The following FGF12 variants were observed in gnomAD, a reference collection of about 807,000 sequenced individuals.
FGF12 encodes the protein fibroblast growth factor 12B.
Under a neutral mutation model 23.6 loss-of-function variants are expected in FGF12, and 14 were observed. The ratio of observed to expected loss-of-function variants is 0.59; its 90% CI spans 0.39 to 0.93. The LOEUF (loss-of-function observed/expected upper bound fraction) is 0.93, where lower values mean the gene tolerates loss of function less well. Among genes scored for constraint, FGF12 ranks in the 40% least tolerant of loss-of-function variants. The pLI is 0.00. For missense variants in FGF12, 175 were observed against 217.8 expected (o/e 0.80, Z 1.24); for synonymous variants, 62 against 77.3 (o/e 0.80, Z 1.04).
In FGF12 at chr3:192,240,535, TA is replaced by T. The variant is rs1719561460; in HGVS notation, c.229-69880del. ...AAAAGATTTTGCTAGTTGCAAGAAA[TA>T]AAAAGACATCAGAAGTAGTTGTTGA... On this transcript the variant is annotated intron_variant, in intron 4 of 5. Coordinates refer to ENST00000445105, the MANE Select transcript of FGF12 (RefSeq NM_004113.6). Among the ~76,000 whole-genome samples the T allele has an allele frequency of 2.0e-5, 3 of 152,254 alleles. No individual in the cohort carries two copies. In the South Asian group the frequency reaches 6.2e-4, roughly 32 times the overall value.
chr3:192,645,554 G>A (rs944195992), intron 2 of FGF12, among the ~76,000 whole-genome samples: 1 of 152,010 alleles, frequency 6.6e-6, no homozygotes, highest in Non-Finnish European at 1.5e-5. Context: ...TGACTTCGGT[G>A]TACATGTGGA....
intron 2 of FGF12, among the ~76,000 whole-genome samples, chr3:192,637,743 T>C (rs561787223): frequency 2.0e-5 from 3 of 152,262 alleles, no homozygotes; most frequent in South Asian, 2.1e-4. Flanking sequence ...GGAAACAATA[T>C]ATATAAGAAA....
At chr3:192,206,926 C>T (rs763012257) in intron 4 of FGF12, among the ~76,000 whole-genome samples, 1 of 152,134 alleles carries the variant, frequency 6.6e-6, no homozygotes, top group Non-Finnish European at 1.5e-5. Context: ...AAATCTTATT[C>T]TCTGGGGGTG....
At chr3:192,479,352 C>T (rs910541047) in intron 2 of FGF12, among the ~76,000 whole-genome samples, 1 of 152,136 alleles carries the variant, frequency 6.6e-6, no homozygotes, top group African/African-American at 2.4e-5. Flanking sequence ...GTCCAAAGTC[C>T]CAGGCTCCAT....
intron 4 of FGF12, among the ~76,000 whole-genome samples, chr3:192,332,279 A>G (rs1050887039): frequency 6.6e-6 from 1 of 152,108 alleles, no homozygotes; most frequent in Non-Finnish European, 1.5e-5. Context: ...GTCGTGATTT[A>G]TGTATGATTA....
intron 2 of FGF12, among the ~76,000 whole-genome samples, chr3:192,571,443 G>T (rs1462594038): frequency 6.6e-6 from 1 of 152,242 alleles, no homozygotes; most frequent in Non-Finnish European, 1.5e-5. Flanking sequence ...TACCGGGATC[G>T]CTGCCAGAGC....
intron 4 of FGF12, among the ~76,000 whole-genome samples, chr3:192,291,025 C>G (rs1394284940): frequency 1.3e-5 from 2 of 152,076 alleles, no homozygotes; most frequent in South Asian, 4.2e-4. Flanking sequence ...TATCTATCTA[C>G]ATATACAATG....
At chr3:192,499,516 ATTTTT>A (rs71177364) in intron 2 of FGF12, among the ~76,000 whole-genome samples, 2 of 38,852 alleles carry the variant, frequency 5.1e-5, no homozygotes, top group African/African-American at 1.1e-4. Flanking sequence ...ATATATATAT[ATTTTT>A]TTTTTTTTTT....
At chr3:192,663,767 T>A (rs1716756523) in intron 2 of FGF12, among the ~76,000 whole-genome samples, 1 of 152,126 alleles carries the variant, frequency 6.6e-6, no homozygotes, top group Non-Finnish European at 1.5e-5. Context: ...AATATATATT[T>A]TTGGCAGAAG....
chr3:192,169,746 G>A (rs1715434339), intron 5 of FGF12, among the ~76,000 whole-genome samples: 1 of 151,378 alleles, frequency 6.6e-6, no homozygotes, highest in Non-Finnish European at 1.5e-5. Flanking sequence ...CTGAATTCAG[G>A]AAATGTGGTT....
intron 2 of FGF12, among the ~76,000 whole-genome samples, chr3:192,493,218 A>T (rs1404946599): frequency 6.6e-6 from 1 of 152,024 alleles, no homozygotes; most frequent in African/African-American, 2.4e-5. Context: ...TTCTTCCTTG[A>T]ACCTCAGCTT....
Position 192,727,518 on chromosome 3 carries a change from C to G in FGF12, c.-165G>C. 1.9e-6 allele frequency: 1 copy of G among 525,272 alleles called. No individual in the cohort carries two copies. The highest frequency in any genetic ancestry group is 3.3e-6 in the Non-Finnish European group (1 of 300,160). 32.5% of individuals were successfully genotyped at this position (525,272 alleles called of 1,614,324 possible). On this transcript the variant is annotated 5_prime_UTR_variant, in exon 1 of 6. Transcript: ENST00000445105. ...GAAGCTGCAGGCAGGAGCTGTCCTC[C>G]GAGCGTGGTGCTGCAGGTGTAGTGA...
At chr3:192,532,098 A>G (rs1326946015) in intron 2 of FGF12, among the ~76,000 whole-genome samples, 1 of 152,128 alleles carries the variant, frequency 6.6e-6, no homozygotes, top group Non-Finnish European at 1.5e-5. Context: ...ATTCTGTTCC[A>G]TTGGTCTACA....
chr3:192,251,703 A>G (rs1712023804), intron 4 of FGF12, among the ~76,000 whole-genome samples: 1 of 152,178 alleles, frequency 6.6e-6, no homozygotes. Flanking sequence ...GAAAAAGATT[A>G]GATATTTTTA....
intron 2 of FGF12, among the ~76,000 whole-genome samples, chr3:192,524,323 C>A (rs1190822900): frequency 6.6e-6 from 1 of 152,170 alleles, no homozygotes; most frequent in Non-Finnish European, 1.5e-5. Flanking sequence ...CAGAAGGCAG[C>A]CATTCATTTA....
intron 2 of FGF12, among the ~76,000 whole-genome samples, chr3:192,678,551 C>T (rs1717408614): frequency 6.6e-6 from 1 of 152,214 alleles, no homozygotes; most frequent in African/African-American, 2.4e-5. Context: ...TCAACTTTCT[C>T]AGTTTCTCAT....
chr3:192,248,703 CG>C (rs1390405746), intron 4 of FGF12, among the ~76,000 whole-genome samples: 5 of 152,086 alleles, frequency 3.3e-5, no homozygotes, highest in African/African-American at 1.2e-4. Flanking sequence ...ACTTCTGCCC[CG>C]GGGGGATCCA....
chr3:192,588,406 A>AC lies in FGF12; in HGVS notation c.13+138774_13+138775insG, dbSNP rs1289228091. 5.3e-5 allele frequency among the ~76,000 whole-genome samples: 8 copies of AC among 151,342 alleles called. 1 individual carries two copies. Among genetic ancestry groups the AC allele is most frequent in the Middle Eastern group, 3.4e-3 (1 of 294 alleles). ...AAAAAATTCAGCATCTGGATAAAAAATTAAATAAAATTAAAACAGTAATGA... is the reference window on the plus strand; with the variant it reads ...AAAAAATTCAGCATCTGGATAAAAAACTTAAATAAAATTAAAACAGTAATGA... On this transcript the variant is annotated intron_variant, in intron 2 of 5. Transcript: ENST00000445105.
intron 2 of FGF12, among the ~76,000 whole-genome samples, chr3:192,669,202 C>A (rs1717011915): frequency 1.3e-5 from 2 of 151,908 alleles, no homozygotes; most frequent in African/African-American, 2.4e-5. Context: ...ATAGAAAATG[C>A]AAAACATGAA....
Sources: allele counts gnomAD v4.1 joint callset (sites outside exome capture counted in the v4.1 genomes callset), GRCh38; gene constraint gnomAD v4.1.1; transcripts MANE v1.5; gene names NCBI Gene and HGNC (gene_info 2026-07-23, HGNC 2026-07-21).